DENND1A: variants seen among roughly 807,000 people sequenced by gnomAD.
DENND1A encodes DENN domain-containing protein 1A.
DENND1A carries 51 observed loss-of-function variants against 113.7 expected under a neutral mutation model. The ratio of observed to expected loss-of-function variants is 0.45; its 90% CI spans 0.36 to 0.57. DENND1A has a LOEUF of 0.57. DENND1A is among the 20% of genes least tolerant of loss of function. The pLI, the probability that DENND1A is intolerant of heterozygous loss-of-function variation, is 0.00. For synonymous variants in DENND1A, 565 were observed against 570.8 expected (o/e 0.99, Z 0.14); for missense variants, 1,258 against 1,395.9 (o/e 0.90, Z 1.57).
chr9:123,904,552 C>T (rs1285253016), intron 1 of DENND1A, among the ~76,000 whole-genome samples: 3 of 145,112 alleles, frequency 2.1e-5, no homozygotes, highest in Non-Finnish European at 3.0e-5. Flanking sequence ...AACCAAGGCT[C>T]GAGAACTACG....
intron 5 of DENND1A, among the ~76,000 whole-genome samples, chr9:123,705,909 A>G (rs2066164303): frequency 6.6e-6 from 1 of 152,200 alleles, no homozygotes; most frequent in South Asian, 2.1e-4. Flanking sequence ...ATAGTAATTG[A>G]CACAGCAAAA....
At chr9:123,450,292 C>T (rs1055426397) in intron 18 of DENND1A, among the ~76,000 whole-genome samples, 11 of 152,302 alleles carry the variant, frequency 7.2e-5, no homozygotes, top group African/African-American at 2.6e-4. Context: ...TGGACCATGG[C>T]AATCATTCCC....
intron 21 of DENND1A, chr9:123,400,266 A>G (rs963436820): frequency 2.0e-5 from 3 of 152,278 alleles, no homozygotes; most frequent in African/African-American, 4.8e-5. Context: ...TTGACACAGG[A>G]AAATTTCATT....
intron 8 of DENND1A, among the ~76,000 whole-genome samples, chr9:123,657,695 G>A (rs1268899365): frequency 3.3e-5 from 5 of 151,866 alleles, no homozygotes; most frequent in African/African-American, 4.8e-5. Flanking sequence ...AGTGGGTCTT[G>A]TTTACTGAAA....
chr9:123,575,938 T>G (rs2058611961), intron 12 of DENND1A, among the ~76,000 whole-genome samples: 1 of 152,224 alleles, frequency 6.6e-6, no homozygotes, highest in African/African-American at 2.4e-5. Flanking sequence ...TAAATTGGAG[T>G]GTCTAGACAA....
At chr9:123,623,115 C>G (rs2061033715) in intron 10 of DENND1A, among the ~76,000 whole-genome samples, 1 of 151,914 alleles carries the variant, frequency 6.6e-6, no homozygotes, top group Non-Finnish European at 1.5e-5. Context: ...CAAATGAAAA[C>G]AACCATACAA....
At chr9:123,813,405 CT>C (rs376791744) in intron 2 of DENND1A, among the ~76,000 whole-genome samples, 38 of 146,222 alleles carry the variant, frequency 2.6e-4, no homozygotes, top group African/African-American at 4.2e-4. Flanking sequence ...GTGAGTAGGA[CT>C]TTTTTTTTTT....
intron 5 of DENND1A, among the ~76,000 whole-genome samples, chr9:123,701,714 C>T (rs2065896459): frequency 6.6e-6 from 1 of 152,206 alleles, no homozygotes; most frequent in South Asian, 2.1e-4. Flanking sequence ...CAGTGCTGTA[C>T]CAGCCTTGGT....
At chr9:123,481,462 G>A (rs1013359281) in intron 13 of DENND1A, among the ~76,000 whole-genome samples, 2 of 152,232 alleles carry the variant, frequency 1.3e-5, no homozygotes, top group Admixed American at 1.3e-4. Flanking sequence ...AGGTGCTGCC[G>A]AAGAGGCCGT....
intron 2 of DENND1A, among the ~76,000 whole-genome samples, chr9:123,858,668 G>C (rs1844633743): frequency 1.3e-5 from 2 of 152,148 alleles, no homozygotes; most frequent in African/African-American, 2.4e-5. Flanking sequence ...TACGGACAGA[G>C]AGCTGAGGAC....
intron 13 of DENND1A, chr9:123,492,983 A>G (rs557521093): frequency 6.6e-6 from 1 of 152,374 alleles, no homozygotes; most frequent in African/African-American, 2.4e-5. Context: ...TTGGGGAATA[A>G]TGACACATGG....
chr9:123,809,120 G>A (rs1353091700), intron 2 of DENND1A, among the ~76,000 whole-genome samples: 2 of 152,206 alleles, frequency 1.3e-5, no homozygotes, highest in Non-Finnish European at 2.9e-5. Flanking sequence ...AAACCTAGAA[G>A]GAACGGCACG....
intron 12 of DENND1A, among the ~76,000 whole-genome samples, chr9:123,578,721 C>T (rs1017847576): frequency 3.4e-4 from 51 of 152,044 alleles, no homozygotes; most frequent in African/African-American, 1.1e-3. Flanking sequence ...AAAAAACTGA[C>T]AAGTAAAAGG....
intron 1 of DENND1A, among the ~76,000 whole-genome samples, chr9:123,904,771 T>C (rs1167975261): frequency 1.3e-5 from 2 of 151,820 alleles, no homozygotes; most frequent in South Asian, 2.1e-4. Context: ...TGGAACCAAG[T>C]TGGAAAACAC....
chr9:123,641,510 G>C (rs1197647027), intron 9 of DENND1A, among the ~76,000 whole-genome samples: 4 of 151,170 alleles, frequency 2.6e-5, no homozygotes, highest in Admixed American at 6.6e-5. Context: ...GGACTGCACT[G>C]GTATTCCGTA....
chr9:123,929,166 G>C (rs1857585018), intron 1 of DENND1A, among the ~76,000 whole-genome samples: 1 of 152,204 alleles, frequency 6.6e-6, no homozygotes, highest in Admixed American at 6.5e-5. Flanking sequence ...GAAGTTACAT[G>C]TATCAACAAT....
At chr9:123,514,561 G>A (rs1195010482) in intron 13 of DENND1A, among the ~76,000 whole-genome samples, 4 of 152,182 alleles carry the variant, frequency 2.6e-5, no homozygotes, top group African/African-American at 7.2e-5. Context: ...CGACAGAAGC[G>A]TGGTTCCACA....
intron 13 of DENND1A, among the ~76,000 whole-genome samples, chr9:123,516,310 G>T (rs927851273): frequency 6.6e-6 from 1 of 151,942 alleles, no homozygotes; most frequent in African/African-American, 2.4e-5. Flanking sequence ...CCAGAAAGAT[G>T]TATTTGTTAC....
chr9:123,470,364 G>GCGCCACGGGTTGCCTCACTCA (rs1554830814), intron 13 of DENND1A, among the ~76,000 whole-genome samples: 158 of 151,300 alleles, frequency 1.0e-3, no homozygotes, highest in African/African-American at 3.7e-3. Context: ...CACGTGGCCA[G>GCGCCACGGGTTGCCTCACTCA]CGCCAGGGGT....
Sources: gnomAD v4.1 joint callset for allele counts (sites outside exome capture counted in the v4.1 genomes callset) on GRCh38, gnomAD v4.1.1 for gene constraint, MANE v1.5 for transcripts, NCBI Gene and HGNC (gene_info 2026-07-23, HGNC 2026-07-21) for gene names.